ZNF532: variants seen among roughly 807,000 people sequenced by gnomAD.
The protein encoded by ZNF532 is zinc finger protein 532.
Under a neutral mutation model 89.3 loss-of-function variants are expected in ZNF532, and 22 were observed. The observed-to-expected ratio is 0.25, with a 90% CI of 0.18 to 0.35. The LOEUF is 0.35. Among genes scored for constraint, ZNF532 ranks in the 10% least tolerant of loss-of-function variants. The pLI is 1.00. For synonymous variants in ZNF532, 606 were observed against 649.6 expected (o/e 0.93, Z 1.02); for missense variants, 1,132 against 1,643.4 (o/e 0.69, Z 5.38).
At chr18:58,869,614 C>CAAAG (rs1442097582) in intron 2 of ZNF532, among the ~76,000 whole-genome samples, 1 of 152,000 alleles carries the variant, frequency 6.6e-6, no homozygotes, top group Non-Finnish European at 1.5e-5. Flanking sequence ...TATGGACTGC[C>CAAAG]AAAGTATTGG....
chr18:58,898,783 G>C (rs2059409424), intron 2 of ZNF532, among the ~76,000 whole-genome samples: 1 of 152,242 alleles, frequency 6.6e-6, no homozygotes, highest in Non-Finnish European at 1.5e-5. Flanking sequence ...AAATCAGGGA[G>C]CCTGTCCTGC....
chr18:58,867,058 G>A (rs566897307), intron 2 of ZNF532, among the ~76,000 whole-genome samples: 19 of 152,360 alleles, frequency 1.2e-4, no homozygotes, highest in Non-Finnish European at 1.0e-4. Flanking sequence ...CTGCTTCTGC[G>A]TTTCTGATGT....
chr18:58,982,725 G>A (rs1158938651), intron 9 of ZNF532, among the ~76,000 whole-genome samples: 1 of 152,208 alleles, frequency 6.6e-6, no homozygotes, highest in Non-Finnish European at 1.5e-5. Context: ...GTGCTTTCAA[G>A]GAGTTAATCA....
At chr18:58,916,688 C>G in intron 2 of ZNF532, 1 of 985,296 alleles carries the variant, frequency 1.0e-6, no homozygotes, top group Non-Finnish European at 1.2e-6. Flanking sequence ...GTAGTTTTTT[C>G]TAACCAAATT....
In ZNF532 at chr18:58,959,090, A is replaced by G. The variant is rs534798209; in HGVS notation, c.3150+5291A>G. Among the ~76,000 whole-genome samples, 43 of 152,324 alleles carry G rather than the reference A, an allele frequency of 2.8e-4. No individual in the cohort carries two copies. In the South Asian group the frequency reaches 8.1e-3, roughly 29 times the overall value. On this transcript the variant is annotated intron_variant, in intron 7 of 9. Transcript: ENST00000591808. ...CTGTTCAAATCTAGAAAATTACAAC[A>G]CAATCTGTGATAATTGTAATCATTC...
intron 9 of ZNF532, among the ~76,000 whole-genome samples, chr18:58,983,690 T>C (rs1290899779): frequency 6.6e-6 from 1 of 152,008 alleles, no homozygotes; most frequent in East Asian, 1.9e-4. Context: ...TTTCTGTTCA[T>C]CTAACTCCGC....
chr18:58,873,182 G>T (rs573011707), intron 2 of ZNF532, among the ~76,000 whole-genome samples: 1 of 151,996 alleles, frequency 6.6e-6, no homozygotes, highest in Non-Finnish European at 1.5e-5. Context: ...CACCACGCCC[G>T]GCTAATTTTG....
At chr18:58,937,301 A>AT (rs2062564436) in intron 4 of ZNF532, among the ~76,000 whole-genome samples, 1 of 152,114 alleles carries the variant, frequency 6.6e-6, no homozygotes, top group South Asian at 2.1e-4. Flanking sequence ...TCTTATTTAC[A>AT]TCCCCCATTG....
intron 7 of ZNF532, among the ~76,000 whole-genome samples, chr18:58,956,598 T>G (rs2064803101): frequency 6.6e-6 from 1 of 152,170 alleles, no homozygotes; most frequent in Admixed American, 6.5e-5. Context: ...TGCTGTCTTT[T>G]CTCCGTCTTC....
At chr18:58,896,912 C>T (rs1457330307) in intron 2 of ZNF532, among the ~76,000 whole-genome samples, 1 of 152,190 alleles carries the variant, frequency 6.6e-6, no homozygotes, top group Non-Finnish European at 1.5e-5. Context: ...ATCCCTGTCC[C>T]ATGTGACCAT....
chr18:58,934,590 A>G lies in ZNF532; in HGVS notation c.2504A>G (p.His835Arg). 6.2e-7 allele frequency: 1 copy of G among 1,614,058 alleles called. No individual in the cohort carries two copies. The change falls in exon 4 of 10, where the codon CAC becomes CGC. Residue 835 changes from histidine to arginine, a missense_variant. By Grantham distance (29) the His-to-Arg change is conservative (BLOSUM62 0). Coordinates refer to ENST00000591808, the MANE Select transcript of ZNF532 (RefSeq NM_001375912.1). ...ACCCACGTCACCAAGAACTGTCTGC[A>G]CTACACGAGGAGAGTTGGTTTTCGG... The part of the protein sequence containing the change: ...FQTHVTKNCL[H>R]YTRRVGFRCV...
chr18:58,950,268 A>T (rs1198071969), intron 6 of ZNF532, among the ~76,000 whole-genome samples: 1 of 152,214 alleles, frequency 6.6e-6, no homozygotes, highest in Non-Finnish European at 1.5e-5. Context: ...AGGTTCCAAG[A>T]AATAGAAACT....
At chr18:58,888,030 TGGAA>T (rs1311637844) in intron 2 of ZNF532, among the ~76,000 whole-genome samples, 2 of 152,192 alleles carry the variant, frequency 1.3e-5, no homozygotes, top group Non-Finnish European at 2.9e-5. Flanking sequence ...TCTCAGAAAA[TGGAA>T]GGAGCAGAAC....
intron 2 of ZNF532, among the ~76,000 whole-genome samples, chr18:58,898,660 C>T (rs1050269014): frequency 7.2e-5 from 11 of 152,242 alleles, no homozygotes; most frequent in Middle Eastern, 3.4e-3. Context: ...GCTCAAGCTT[C>T]CCAGGAGCCT....
chr18:58,896,053 C>G (rs543274323), intron 2 of ZNF532, among the ~76,000 whole-genome samples: 4 of 152,120 alleles, frequency 2.6e-5, no homozygotes, highest in African/African-American at 9.6e-5. Context: ...AGGTCTCACT[C>G]TGTTGCCCAG....
chr18:58,910,490 A>G (rs2060211737), intron 2 of ZNF532, among the ~76,000 whole-genome samples: 1 of 151,912 alleles, frequency 6.6e-6, no homozygotes, highest in Non-Finnish European at 1.5e-5. Flanking sequence ...TTTTTGAGAA[A>G]GAGTCTCGCT....
intron 7 of ZNF532, among the ~76,000 whole-genome samples, chr18:58,978,182 G>GTC (rs764534747): frequency 4.7e-4 from 72 of 151,730 alleles, no homozygotes; most frequent in African/African-American, 1.3e-3. Context: ...AGTGTTTGCT[G>GTC]TCTCTCTCTC....
chr18:58,901,686 A>G (rs1394305113), intron 2 of ZNF532, among the ~76,000 whole-genome samples: 1 of 152,184 alleles, frequency 6.6e-6, no homozygotes, highest in Non-Finnish European at 1.5e-5. Context: ...AGTGACGATG[A>G]GTCCACCTGC....
intron 7 of ZNF532, among the ~76,000 whole-genome samples, chr18:58,966,089 T>A (rs1352918524): frequency 6.6e-6 from 1 of 152,142 alleles, no homozygotes; most frequent in Non-Finnish European, 1.5e-5. Flanking sequence ...TAGATAATTG[T>A]GTTACCTTCA....
Sources: gnomAD v4.1 joint callset for allele counts (sites outside exome capture counted in the v4.1 genomes callset) on GRCh38, gnomAD v4.1.1 for gene constraint, MANE v1.5 for transcripts, NCBI Gene and HGNC (gene_info 2026-07-23, HGNC 2026-07-21) for gene names.